The following HSDL2 variants were observed in gnomAD, a reference collection of about 807,000 sequenced individuals.
HSDL2 encodes the protein hydroxysteroid dehydrogenase like 2.
In HSDL2, 27 loss-of-function variants were observed where a neutral mutation model predicts 46.3. That is an observed-to-expected ratio of 0.58 (90% CI 0.43 to 0.80). HSDL2 has a LOEUF of 0.80. Ranked by LOEUF, HSDL2 falls within the 30% of genes least tolerant of loss-of-function variation. The pLI, the probability that HSDL2 is intolerant of heterozygous loss-of-function variation, is 0.00. For missense variants in HSDL2, 451 were observed against 502.7 expected (o/e 0.90, Z 0.98); for synonymous variants, 153 against 163.6 (o/e 0.94, Z 0.50).
At chr9:112,426,569 C>A (rs768907074) in intron 6 of HSDL2, among the ~76,000 whole-genome samples, 1 of 152,110 alleles carries the variant, frequency 6.6e-6, no homozygotes, top group Non-Finnish European at 1.5e-5. Context: ...GTTAGGTGTA[C>A]ATCCTGCAGC....
At chr9:112,417,246 C>G (rs1351727691) in intron 5 of HSDL2, among the ~76,000 whole-genome samples, 2 of 152,288 alleles carry the variant, frequency 1.3e-5, no homozygotes, top group African/African-American at 2.4e-5. Flanking sequence ...TCAGAAAGCT[C>G]TTTCATTTCC....
chr9:112,393,217 G>A (rs1402263102), intron 1 of HSDL2, among the ~76,000 whole-genome samples: 1 of 152,122 alleles, frequency 6.6e-6, no homozygotes, highest in African/African-American at 2.4e-5. Context: ...TCAGCTCCAG[G>A]CACAATGGAT....
chr9:112,450,586 G>A (rs1305141685), intron 8 of HSDL2, among the ~76,000 whole-genome samples: 1 of 138,184 alleles, frequency 7.2e-6, no homozygotes, highest in East Asian at 2.1e-4. Context: ...CTGAGATCAT[G>A]CCACTGCACT....
At chr9:112,465,839 C>T (rs957954601) in intron 10 of HSDL2, among the ~76,000 whole-genome samples, 6 of 152,122 alleles carry the variant, frequency 3.9e-5, no homozygotes, top group African/African-American at 4.8e-5. Context: ...AATAATGCTT[C>T]GATAAACATT....
At chr9:112,462,024 G>C (rs988631097) in intron 10 of HSDL2, among the ~76,000 whole-genome samples, 12 of 152,146 alleles carry the variant, frequency 7.9e-5, no homozygotes, top group Non-Finnish European at 1.6e-4. Context: ...GAGTTTGCTT[G>C]TGCTTCTTAT....
chr9:112,387,305 C>G (rs551781149), intron 1 of HSDL2, among the ~76,000 whole-genome samples: 1 of 151,662 alleles, frequency 6.6e-6, no homozygotes, highest in African/African-American at 2.4e-5. Flanking sequence ...CTGCAACCTC[C>G]GTGTCATGGG....
Position 112,416,821 on chromosome 9 carries a change from G to A in HSDL2, c.396-20G>A, listed in dbSNP as rs1832006828. 1 of 1,214,692 alleles carries A rather than the reference G, an allele frequency of 8.2e-7. No homozygotes were observed. The allele number at this position is 1,214,692 out of a possible 1,614,324, so 75.2% of individuals were successfully genotyped here. A position where few individuals can be genotyped will look rare whatever the true frequency, so the allele number is the denominator to read the frequency against. On this transcript the variant is annotated intron_variant, in intron 4 of 10. Transcript: ENST00000398805. ...GTTAGAAAGCTATTAAATTTGGCTTGTATTTTCTTTTGCTTTCAGATCTAA... is the reference window on the plus strand; with the variant it reads ...GTTAGAAAGCTATTAAATTTGGCTTATATTTTCTTTTGCTTTCAGATCTAA...
At position 112,437,946 on chromosome 9, in the gene HSDL2, G is replaced by C. The variant is rs138388295; in HGVS notation, c.599-485G>C. 2.9e-3 allele frequency among the ~76,000 whole-genome samples: 449 copies of C among 152,292 alleles called. 4 individuals are homozygous for C. The highest frequency in any genetic ancestry group is 0.014 in the Middle Eastern group (4 of 294). On this transcript the variant is annotated intron_variant, in intron 6 of 10. Coordinates refer to ENST00000398805, the MANE Select transcript of HSDL2 (RefSeq NM_032303.5). ...TGTTTTCCACCCAGTTCTCTCCGTA[G>C]AACATTTGGTAAATCCTGGGGCCAG...
At chr9:112,384,961 C>T (rs1831184977) in intron 1 of HSDL2, among the ~76,000 whole-genome samples, 1 of 151,988 alleles carries the variant, frequency 6.6e-6, no homozygotes, top group Non-Finnish European at 1.5e-5. Context: ...ACTAATAGTA[C>T]AAGAGAGACA....
At chr9:112,438,196 C>G (rs1832567837) in intron 6 of HSDL2, among the ~76,000 whole-genome samples, 1 of 152,136 alleles carries the variant, frequency 6.6e-6, no homozygotes, top group Non-Finnish European at 1.5e-5. Context: ...GGAGATCACG[C>G]CATTGCACCC....
intron 10 of HSDL2, among the ~76,000 whole-genome samples, chr9:112,467,896 G>A (rs532036236): frequency 6.6e-6 from 1 of 152,096 alleles, no homozygotes; most frequent in Non-Finnish European, 1.5e-5. Context: ...CTCCTGCACT[G>A]AATCTCCTGT....
At chr9:112,428,028 G>C (rs1310051329) in intron 6 of HSDL2, among the ~76,000 whole-genome samples, 1 of 152,174 alleles carries the variant, frequency 6.6e-6, no homozygotes, top group Non-Finnish European at 1.5e-5. Flanking sequence ...ATATAGCTGT[G>C]TGGAACATAT....
intron 1 of HSDL2, among the ~76,000 whole-genome samples, chr9:112,387,825 T>C (rs1173504725): frequency 6.6e-6 from 1 of 152,120 alleles, no homozygotes; most frequent in Non-Finnish European, 1.5e-5. Flanking sequence ...TGGAAATGCA[T>C]AACCGGAATC....
At chr9:112,457,012 G>A (rs1833048689) in intron 9 of HSDL2, among the ~76,000 whole-genome samples, 1 of 152,144 alleles carries the variant, frequency 6.6e-6, no homozygotes, top group Non-Finnish European at 1.5e-5. Flanking sequence ...GCCGGGCTTG[G>A]TGGCGCGTGC....
intron 1 of HSDL2, 51 bp downstream of exon 1, chr9:112,380,231 G>C: frequency 6.6e-7 from 1 of 1,515,678 alleles, no homozygotes; most frequent in Non-Finnish European, 8.9e-7. Flanking sequence ...CGAAGGGCGC[G>C]TCTCGGTGGG....
intron 1 of HSDL2, among the ~76,000 whole-genome samples, chr9:112,381,195 C>T (rs1831086248): frequency 6.6e-6 from 1 of 151,186 alleles, no homozygotes; most frequent in Admixed American, 6.6e-5. Flanking sequence ...GACATTCTTT[C>T]TTTGTTTTTT....
intron 7 of HSDL2, 144 bp downstream of exon 7, chr9:112,438,769 C>A (rs1212028014): frequency 9.2e-6 from 5 of 545,804 alleles, no homozygotes; most frequent in African/African-American, 2.0e-5. Flanking sequence ...GGAAGAAAAC[C>A]CATACCAACA....
intron 6 of HSDL2, among the ~76,000 whole-genome samples, chr9:112,434,406 G>T (rs1343939442): frequency 6.6e-6 from 1 of 152,164 alleles, no homozygotes; most frequent in Non-Finnish European, 1.5e-5. Context: ...GCGACAAGGT[G>T]GCAGCTCACC....
intron 8 of HSDL2, among the ~76,000 whole-genome samples, chr9:112,443,495 C>T (rs1832683368): frequency 6.6e-6 from 1 of 152,182 alleles, no homozygotes; most frequent in Non-Finnish European, 1.5e-5. Context: ...TTTCCTAACA[C>T]TTGAATACTT....
Sources: gnomAD v4.1 joint callset for allele counts (sites outside exome capture counted in the v4.1 genomes callset) on GRCh38, gnomAD v4.1.1 for gene constraint, MANE v1.5 for transcripts, NCBI Gene and HGNC (gene_info 2026-07-23, HGNC 2026-07-21) for gene names.